TCF4: variants seen among roughly 807,000 people sequenced by gnomAD.
TCF4 encodes the protein SL3-3 enhancer factor 2.
A neutral mutation model predicts 82.1 loss-of-function variants in TCF4; 3 were observed. The observed-to-expected ratio is 0.04, with a 90% confidence interval of 0.02 to 0.09. TCF4 has a LOEUF of 0.09. TCF4 is among the 10% of genes least tolerant of loss of function. The probability of loss-of-function intolerance (pLI) is 1.00; values close to 1 mark genes in which losing one functional copy is unlikely to be tolerated. For synonymous variants in TCF4, 276 were observed against 309.6 expected (o/e 0.89, Z 1.14); for missense variants, 518 against 852.7 (o/e 0.61, Z 4.89).
At chr18:55,635,635 C>G in intron 1 of TCF4, 1 of 1,497,728 alleles carries the variant, frequency 6.7e-7, no homozygotes, top group Non-Finnish European at 8.9e-7. Context: ...GCCATGGTGG[C>G]CATGGGAGAT....
chr18:55,527,173 C>T (rs2096994718), intron 3 of TCF4, among the ~76,000 whole-genome samples: 1 of 152,194 alleles, frequency 6.6e-6, no homozygotes. Context: ...AAGGTCCCCT[C>T]ACTCTAGCCC....
chr18:55,516,394 A>T (rs1231497194), intron 3 of TCF4, among the ~76,000 whole-genome samples: 2 of 151,622 alleles, frequency 1.3e-5, no homozygotes, highest in African/African-American at 2.4e-5. Flanking sequence ...GTTTTTTTTT[A>T]AAGGTTTATA....
chr18:55,543,052 G>T (rs549790117), intron 3 of TCF4, among the ~76,000 whole-genome samples: 99 of 152,076 alleles, frequency 6.5e-4, no homozygotes, highest in African/African-American at 2.3e-3. Context: ...TTTTACAGAG[G>T]CTCAAAGAAG....
chr18:55,317,303 C>T (rs1411232106), intron 8 of TCF4, among the ~76,000 whole-genome samples: 1 of 151,562 alleles, frequency 6.6e-6, no homozygotes, highest in African/African-American at 2.4e-5. Flanking sequence ...TACTTTGTGG[C>T]CTAAGCAAAT....
chr18:55,514,342 T>G (rs774069641), intron 3 of TCF4, among the ~76,000 whole-genome samples: 14 of 151,926 alleles, frequency 9.2e-5, no homozygotes, highest in Non-Finnish European at 1.8e-4. Flanking sequence ...AGCATGTGTT[T>G]GAAATATTAT....
intron 8 of TCF4, among the ~76,000 whole-genome samples, chr18:55,286,306 T>C (rs1601467040): frequency 7.2e-6 from 1 of 138,246 alleles, no homozygotes. Context: ...TTTTTCTACC[T>C]TTTTTTTTTT....
intron 15 of TCF4, among the ~76,000 whole-genome samples, chr18:55,249,810 C>T (rs1012069855): frequency 6.6e-5 from 10 of 152,222 alleles, no homozygotes; most frequent in Middle Eastern, 3.4e-3. Flanking sequence ...AACAAATAAA[C>T]GGGAACACAT....
chr18:55,609,701 C>G (rs2097705385), intron 2 of TCF4, among the ~76,000 whole-genome samples: 1 of 152,194 alleles, frequency 6.6e-6, no homozygotes, highest in Admixed American at 6.5e-5. Flanking sequence ...TCATTCTGTT[C>G]CAGCCACTTT....
chr18:55,446,467 G>A (rs1418789128), intron 5 of TCF4, among the ~76,000 whole-genome samples: 1 of 152,122 alleles, frequency 6.6e-6, no homozygotes, highest in African/African-American at 2.4e-5. Flanking sequence ...TGCAGTGGTG[G>A]GTAAGGACAA....
chr18:55,286,583 G>C (rs1282811671), intron 8 of TCF4, among the ~76,000 whole-genome samples: 2 of 152,184 alleles, frequency 1.3e-5, no homozygotes, highest in African/African-American at 2.4e-5. Flanking sequence ...TGAGAGATTA[G>C]TCAAGAAATG....
intron 3 of TCF4, among the ~76,000 whole-genome samples, chr18:55,519,772 T>C (rs1226195539): frequency 6.6e-6 from 1 of 152,180 alleles, no homozygotes; most frequent in Admixed American, 6.5e-5. Flanking sequence ...TTAGCAGTAG[T>C]CTTCATTGAT....
At chr18:55,614,782 TTC>T (rs1314538082) in intron 2 of TCF4, among the ~76,000 whole-genome samples, 8 of 152,162 alleles carry the variant, frequency 5.3e-5, no homozygotes, top group African/African-American at 1.7e-4. Flanking sequence ...TACTAATTTA[TTC>T]TGTTTTGGAT....
intron 8 of TCF4, among the ~76,000 whole-genome samples, chr18:55,309,266 C>T (rs534341028): frequency 2.9e-4 from 43 of 149,050 alleles, no homozygotes; most frequent in African/African-American, 1.0e-3. Context: ...TGAGCGCTAC[C>T]ATGCCTGGCT....
At chr18:55,249,371 G>T (rs2054300759) in intron 15 of TCF4, among the ~76,000 whole-genome samples, 1 of 152,208 alleles carries the variant, frequency 6.6e-6, no homozygotes, top group Non-Finnish European at 1.5e-5. Flanking sequence ...ACTGGGCAAA[G>T]ATCCACTTTT....
chr18:55,469,213 C>T (rs1020683479), intron 3 of TCF4, among the ~76,000 whole-genome samples: 4 of 152,128 alleles, frequency 2.6e-5, no homozygotes, highest in Admixed American at 2.6e-4. Flanking sequence ...CCTGTAATCC[C>T]AGCACTTTGA....
chr18:55,274,309 G>A (rs1454107731), intron 10 of TCF4, among the ~76,000 whole-genome samples: 1 of 152,144 alleles, frequency 6.6e-6, no homozygotes, highest in Non-Finnish European at 1.5e-5. Context: ...GCTGAAATGT[G>A]AGATAGTTTG....
At chr18:55,228,443 T>G (rs2046955949) in intron 18 of TCF4, 82 bp from the exon 19 acceptor site, 3 of 1,572,326 alleles carry the variant, frequency 1.9e-6, no homozygotes, top group Non-Finnish European at 2.6e-6. Flanking sequence ...CTTGCGTGTC[T>G]GACCTTTTTC....
At chr18:55,512,075 T>C (rs1272994384) in intron 3 of TCF4, among the ~76,000 whole-genome samples, 2 of 152,116 alleles carry the variant, frequency 1.3e-5, no homozygotes, top group Admixed American at 6.6e-5. Flanking sequence ...AACCAGATAC[T>C]ATGTCGACTA....
intron 8 of TCF4, among the ~76,000 whole-genome samples, chr18:55,335,808 TA>T (rs1205149397): frequency 6.6e-6 from 1 of 152,034 alleles, no homozygotes; most frequent in Non-Finnish European, 1.5e-5. Context: ...ATCAAAAGCC[TA>T]AAAAAAGGCT....
Sources: gnomAD v4.1 joint callset for allele counts (sites outside exome capture counted in the v4.1 genomes callset) on GRCh38, gnomAD v4.1.1 for gene constraint, MANE v1.5 for transcripts, NCBI Gene and HGNC (gene_info 2026-07-23, HGNC 2026-07-21) for gene names.